Variants in ADGRG2 observed in about 807,000 individuals in gnomAD.
ADGRG2 encodes adhesion G protein-coupled receptor G2.
In ADGRG2, 26 loss-of-function variants were observed where a neutral mutation model predicts 74.1. The observed-to-expected ratio is 0.35, with a 90% CI of 0.26 to 0.49. The LOEUF (loss-of-function observed/expected upper bound fraction) is 0.49, where lower values mean the gene tolerates loss of function less well. Ranked by LOEUF, ADGRG2 falls within the 20% of genes least tolerant of loss-of-function variation. The probability of loss-of-function intolerance (pLI) is 0.99; values close to 1 mark genes in which losing one functional copy is unlikely to be tolerated. For synonymous variants in ADGRG2, 296 were observed against 295.2 expected, an observed-to-expected ratio of 1.00 and a Z score of -0.03; for missense variants, 619 against 763.1, an observed-to-expected ratio of 0.81 and a Z score of 2.22.
In ADGRG2 at chrX:18,999,244, G is replaced by A. The variant is rs780666105; in HGVS notation, c.2366C>T (p.Thr789Met). ...WINNNAVFYI[T>M]VVGYFCVIFL... ...TATCACACAGAAATATCCCACCACC[G>A]TAATGTAGAATACTGCATTGTTGTT... Residue 789 changes from threonine to methionine, a missense_variant, in exon 26 of 29, where the codon ACG (threonine) becomes ATG (methionine). Coordinates refer to ENST00000379869, the MANE Select transcript of ADGRG2 (RefSeq NM_001079858.3). The A allele has an allele frequency of 2.5e-6, 3 of 1,206,295 alleles. No homozygotes were observed. The highest frequency in any genetic ancestry group is 4.4e-5 in the Admixed American group (2 of 45,729).
chrX:19,109,637 T>C (rs1480955960), intron 1 of ADGRG2, among the ~76,000 whole-genome samples: 2 of 111,953 alleles, frequency 1.8e-5, no homozygotes. Context: ...GCACAGGAAA[T>C]GATACTATTA....
intron 15 of ADGRG2, among the ~76,000 whole-genome samples, chrX:19,015,779 G>A (rs1217993863): frequency 8.9e-6 from 1 of 112,160 alleles, no homozygotes; most frequent in East Asian, 2.8e-4. Context: ...CACTACTCCT[G>A]TGGACAATTT....
chrX:19,041,964 C>T (rs1354243015), intron 3 of ADGRG2, among the ~76,000 whole-genome samples: 1 of 110,542 alleles, frequency 9.0e-6, no homozygotes, highest in African/African-American at 3.3e-5. Flanking sequence ...TACGCACCAC[C>T]ACACCTGGCT....
Position 18,990,998 on chromosome X carries a change from C to A in ADGRG2, c.2920G>T (p.Asp974Tyr), listed in dbSNP as rs781423558. 2 of 1,203,529 alleles carry A rather than the reference C, an allele frequency of 1.7e-6. No homozygotes were observed. Among genetic ancestry groups the A allele is most frequent in the South Asian group, 1.8e-5 (1 of 56,457 alleles). Residue 974 changes from aspartate (D) to tyrosine (Y), a missense_variant, in exon 29 of 29, where the codon GAT (aspartate) becomes TAT (tyrosine). By Grantham distance (160) the Asp-to-Tyr change is radical (BLOSUM62 -3). This residue lies in a region of ADGRG2 where 106 missense variants were observed against 104.5 expected (regional missense o/e 1.01). Transcript: ENST00000379869. ...CCAGTGAAATCGTGAAGGCACACATCTCCATTCTGAACACTAAAAGAGACC... is the reference window on the plus strand; with the variant it reads ...CCAGTGAAATCGTGAAGGCACACATATCCATTCTGAACACTAAAAGAGACC... ...NGVSFSVQNGDVCLHDFTGKQ... is the reference protein window; with the variant it reads ...NGVSFSVQNGYVCLHDFTGKQ...
At chrX:19,025,103 C>T (rs961659130) in intron 11 of ADGRG2, among the ~76,000 whole-genome samples, 1 of 111,915 alleles carries the variant, frequency 8.9e-6, no homozygotes, top group African/African-American at 3.2e-5. Context: ...TGGGGGTTCC[C>T]CTATCCCTCC....
chrX:18,998,963 C>T, intron 26 of ADGRG2, 33 bp downstream of exon 26: 2 of 1,082,417 alleles, frequency 1.8e-6, no homozygotes, highest in Non-Finnish European at 2.5e-6. Context: ...CAACTGGGAT[C>T]ATTCAGTTTG....
At chrX:19,116,548 T>C (rs1212464639) in intron 1 of ADGRG2, among the ~76,000 whole-genome samples, 1 of 101,453 alleles carries the variant, frequency 9.9e-6, no homozygotes, top group African/African-American at 3.8e-5. Context: ...GAAGAGGTCA[T>C]TAGAGGAGTT....
intron 22 of ADGRG2, among the ~76,000 whole-genome samples, chrX:19,005,138 T>G (rs1218614791): frequency 8.9e-6 from 1 of 111,992 alleles, no homozygotes; most frequent in African/African-American, 3.2e-5. Flanking sequence ...GCCCACATAC[T>G]TGATCACTGC....
At chrX:19,033,722 G>A (rs1277874785) in intron 7 of ADGRG2, 68 bp from the exon 8 acceptor site, 3 of 510,347 alleles carry the variant, frequency 5.9e-6, no homozygotes, top group Non-Finnish European at 1.0e-5. Flanking sequence ...TTTGCCATGA[G>A]TATCATTTTA....
At chrX:19,107,772 G>GA (rs1250470670) in intron 1 of ADGRG2, among the ~76,000 whole-genome samples, 2 of 109,278 alleles carry the variant, frequency 1.8e-5, no homozygotes, top group Admixed American at 9.9e-5. Context: ...GTTGGTAAAG[G>GA]AAAAAATCAG....
At chrX:19,011,064 T>A (rs1601880512) in intron 16 of ADGRG2, among the ~76,000 whole-genome samples, 1 of 112,277 alleles carries the variant, frequency 8.9e-6, no homozygotes, top group East Asian at 2.8e-4. Context: ...AGGAATTAAC[T>A]CTAAATACAC....
chrX:19,120,286 T>C (rs2062589314), intron 1 of ADGRG2, among the ~76,000 whole-genome samples: 1 of 111,985 alleles, frequency 8.9e-6, no homozygotes, highest in Non-Finnish European at 1.9e-5. Context: ...TCTTAGATCT[T>C]AACTAAGCAA....
chrX:19,037,369 C>A, intron 6 of ADGRG2, 98 bp downstream of exon 6: 1 of 644,350 alleles, frequency 1.6e-6, no homozygotes, highest in South Asian at 3.0e-5. Flanking sequence ...TCGACGTATT[C>A]AGAAATAATT....
At chrX:19,120,173 T>C (rs1485386219) in intron 1 of ADGRG2, among the ~76,000 whole-genome samples, 1 of 111,494 alleles carries the variant, frequency 9.0e-6, no homozygotes, top group Non-Finnish European at 1.9e-5. Context: ...GCTGAGGCCC[T>C]GTAAAAGAAT....
At chrX:19,048,926 T>G (rs1672260147) in intron 3 of ADGRG2, among the ~76,000 whole-genome samples, 1 of 111,942 alleles carries the variant, frequency 8.9e-6, no homozygotes, top group African/African-American at 3.3e-5. Context: ...TCACCTTTAT[T>G]GGACACTGAT....
intron 1 of ADGRG2, among the ~76,000 whole-genome samples, chrX:19,115,294 A>T (rs768225636): frequency 9.0e-6 from 1 of 111,699 alleles, no homozygotes; most frequent in Non-Finnish European, 1.9e-5. Flanking sequence ...AGTCCTGACA[A>T]CACAATGATG....
chrX:19,093,976 T>A, intron 1 of ADGRG2, among the ~76,000 whole-genome samples: 1 of 109,731 alleles, frequency 9.1e-6, no homozygotes, highest in East Asian at 2.9e-4. Context: ...AAGAATGAAA[T>A]CATGTCCTTT....
At chrX:19,004,653 G>T in intron 23 of ADGRG2, 105 bp downstream of exon 23, 1 of 735,324 alleles carries the variant, frequency 1.4e-6, no homozygotes, top group Non-Finnish European at 2.0e-6. Flanking sequence ...CCACTAGCTG[G>T]GTGTACAGGG....
chrX:19,025,035 A>G (rs1015864373), intron 11 of ADGRG2, among the ~76,000 whole-genome samples: 1 of 111,770 alleles, frequency 8.9e-6, no homozygotes, highest in African/African-American at 3.3e-5. Flanking sequence ...TCGGCCTCCC[A>G]CAGTGCTGGG....
Sources: allele counts gnomAD v4.1 joint callset (sites outside exome capture counted in the v4.1 genomes callset), GRCh38; gene constraint gnomAD v4.1.1; regional missense constraint gnomAD v4.1.1; transcripts MANE v1.5; gene names NCBI Gene and HGNC (gene_info 2026-07-23, HGNC 2026-07-21).